Variants in NIPSNAP3B observed in about 807,000 individuals in gnomAD.
NIPSNAP3B encodes the protein protein NipSnap homolog 3B.
In NIPSNAP3B, 30 loss-of-function variants were observed where a neutral mutation model predicts 31.5. That is an observed-to-expected ratio of 0.95 (90% CI 0.71 to 1.29). The LOEUF is 1.29. NIPSNAP3B is among the 50% of genes most tolerant of loss of function. The probability of loss-of-function intolerance (pLI) is 0.00; values close to 1 mark genes in which losing one functional copy is unlikely to be tolerated. For missense variants in NIPSNAP3B, 269 were observed against 300.7 expected (o/e 0.89, Z 0.78); for synonymous variants, 106 against 107.9 (o/e 0.98, Z 0.11).
At chr9:104,766,284 G>A (rs1468870984) in intron 1 of NIPSNAP3B, 41 bp from the exon 2 acceptor site, 1 of 1,546,880 alleles carries the variant, frequency 6.5e-7, no homozygotes, top group Non-Finnish European at 8.9e-7. Context: ...ATCTGTAATT[G>A]TACCTTCCCA....
Position 104,764,313 on chromosome 9 carries a change from G to C in NIPSNAP3B, c.60+13G>C. 1 of 1,573,370 alleles carries C rather than the reference G, an allele frequency of 6.4e-7. No homozygotes were observed. The highest frequency in any genetic ancestry group is 1.2e-5 in the South Asian group (1 of 85,756). On this transcript the variant is annotated intron_variant, in intron 1 of 5. Coordinates refer to ENST00000374762, the MANE Select transcript of NIPSNAP3B (RefSeq NM_018376.4). ...GCTCGCGCCTCAGGTACTGGCCGCG[G>C]GGGCGCGCCCGAGCCCTGGCCGGAG... is the stretch of plus-strand genomic sequence containing the variant.
At chr9:104,784,654 T>TC in the NIPSNAP3B span, among the ~76,000 whole-genome samples, 1 of 152,096 alleles carries the variant, frequency 6.6e-6, no homozygotes, top group African/African-American at 2.4e-5. Flanking sequence ...AGACTTTTTT[T>TC]CCCCCCTTGA....
intron 3 of NIPSNAP3B, among the ~76,000 whole-genome samples, chr9:104,769,453 CAAA>C (rs34083177): frequency 2.3e-3 from 247 of 109,426 alleles, no homozygotes; most frequent in South Asian, 4.3e-3. Context: ...GACTCCGTCT[CAAA>C]AAAAAAAAAA....
chr9:104,789,602 C>T, the NIPSNAP3B span, among the ~76,000 whole-genome samples: 8 of 152,030 alleles, frequency 5.3e-5, no homozygotes, highest in Non-Finnish European at 1.0e-4. Context: ...TTTTTAATGA[C>T]GCAGTATAAG....
the NIPSNAP3B span, chr9:104,783,220 G>A: frequency 3.9e-5 from 6 of 152,164 alleles, no homozygotes; most frequent in Non-Finnish European, 7.3e-5. Context: ...TCTACAAAGA[G>A]GCCATTCTAA....
chr9:104,777,879 G>T (rs914997839), downstream of NIPSNAP3B, among the ~76,000 whole-genome samples: 32 of 152,264 alleles, frequency 2.1e-4, no homozygotes, highest in African/African-American at 6.7e-4. Context: ...AGTTAGGTCT[G>T]CATCCTTGTC....
Position 104,766,433 on chromosome 9 carries a change from A to C in NIPSNAP3B, c.169A>C (p.Lys57Gln). Residue 57 changes from lysine (K) to glutamine (Q), a missense_variant, in exon 2 of 6, where the codon AAG becomes CAG. By Grantham distance (53) the Lys-to-Gln change is moderately conservative. Transcript: ENST00000374762. The stretch of plus-strand genomic sequence containing the variant: ...TATGAATGCGTTCATGGAAAATCTT[A>C]AGAAAAACATTCATCTTCGGACCTC... ...SNMNAFMENLKKNIHLRTSYS... is the reference protein window; with the variant it reads ...SNMNAFMENLQKNIHLRTSYS... The C allele has an allele frequency of 1.2e-6, 2 of 1,613,902 alleles. No homozygotes were observed. Among genetic ancestry groups the C allele is most frequent in the African/African-American group, 1.3e-5 (1 of 75,052 alleles).
In NIPSNAP3B at chr9:104,776,469, G is replaced by T. The variant is rs1332024114; in HGVS notation, c.*3396G>T. 6.6e-6 allele frequency among the ~76,000 whole-genome samples: 1 copy of T among 152,082 alleles called. No homozygotes were observed. The highest frequency in any genetic ancestry group is 1.5e-5 in the Non-Finnish European group (1 of 68,012). On this transcript the variant is annotated 3_prime_UTR_variant, in exon 6 of 6. Transcript: ENST00000374762. Reference sequence around the variant, plus strand: ...TGGCCTTTGTGAGTTAGTTTTAGATGAGGTCATGTGGGTAATAGAATTAGT... The same window carrying T: ...TGGCCTTTGTGAGTTAGTTTTAGATTAGGTCATGTGGGTAATAGAATTAGT...
chr9:104,785,041 G>T, the NIPSNAP3B span, among the ~76,000 whole-genome samples: 3 of 152,160 alleles, frequency 2.0e-5, no homozygotes, highest in Non-Finnish European at 4.4e-5. Context: ...AGGGAAGAGG[G>T]AAGAAAATAT....
chr9:104,765,492 A>G (rs1319024828), intron 1 of NIPSNAP3B, among the ~76,000 whole-genome samples: 1 of 152,186 alleles, frequency 6.6e-6, no homozygotes, highest in Non-Finnish European at 1.5e-5. Flanking sequence ...CATTAAGCTC[A>G]CTCAGGCTCA....
chr9:104,790,708 AAAG>A, the NIPSNAP3B span, among the ~76,000 whole-genome samples: 3 of 152,244 alleles, frequency 2.0e-5, no homozygotes, highest in Non-Finnish European at 4.4e-5. Context: ...AAAGCTGTTA[AAAG>A]AAGAGAATGA....
intron 3 of NIPSNAP3B, among the ~76,000 whole-genome samples, chr9:104,770,384 A>G (rs1828189278): frequency 6.6e-6 from 1 of 152,156 alleles, no homozygotes; most frequent in South Asian, 2.1e-4. Context: ...ATAGAATCCT[A>G]CCGGAGAAAA....
rs1010767444 is a variant in NIPSNAP3B, at chr9:104,766,458, C to T, written c.194C>T (p.Ser65Phe). The T allele has an allele frequency of 6.2e-7, 1 of 1,613,720 alleles. No homozygotes were observed. Among genetic ancestry groups the T allele is most frequent in the Non-Finnish European group, 8.5e-7 (1 of 1,179,792 alleles). ...NLKKNIHLRT[S>F]YSELVGFWSV... ...AAGAAAAACATTCATCTTCGGACCTCTTACTCTGAATTGGTTGGATTCTGG... is the reference window on the plus strand; with the variant it reads ...AAGAAAAACATTCATCTTCGGACCTTTTACTCTGAATTGGTTGGATTCTGG... Residue 65 changes from serine to phenylalanine, a missense_variant, in exon 2 of 6, where the codon TCT becomes TTT. Coordinates refer to ENST00000374762, the MANE Select transcript of NIPSNAP3B (RefSeq NM_018376.4).
chr9:104,776,396 T>TC lies in NIPSNAP3B; in HGVS notation c.*3329dup, dbSNP rs60250572. ...ATCTGCTAGAGACTGAATGTTTTTG[T>TC]CCCCCCAAAATTCCTATGTTGAAGC... On this transcript the variant is annotated 3_prime_UTR_variant, in exon 6 of 6. Transcript: ENST00000374762. Among the ~76,000 whole-genome samples, 121,419 of 151,870 alleles carry TC rather than the reference T, an allele frequency of 0.8. 48,732 individuals carry two copies. Among genetic ancestry groups the TC allele is most frequent in the Admixed American group, 0.87 (13,236 of 15,264 alleles).
In NIPSNAP3B at chr9:104,764,159, C is replaced by A; in HGVS notation, c.-82C>A. The A allele has an allele frequency of 1.5e-6, 2 of 1,369,274 alleles. 1 individual carries two copies. Among genetic ancestry groups the A allele is most frequent in the Middle Eastern group, 5.0e-4 (2 of 4,020 alleles). 84.8% of individuals were successfully genotyped at this position (1,369,274 alleles called of 1,614,324 possible). A position where few individuals can be genotyped will look rare whatever the true frequency, so the allele number is the denominator to read the frequency against. ...CTGAGTTCGCCAGTGGTCCAGGAGC[C>A]GCTTTTTTCCACTCGGGAAGACTTC... On this transcript the variant is annotated 5_prime_UTR_variant, in exon 1 of 6. Coordinates refer to ENST00000374762, the MANE Select transcript of NIPSNAP3B (RefSeq NM_018376.4).
intron 4 of NIPSNAP3B, among the ~76,000 whole-genome samples, chr9:104,771,640 T>G (rs969502382): frequency 1.3e-5 from 2 of 152,198 alleles, no homozygotes; most frequent in African/African-American, 4.8e-5. Flanking sequence ...TAGGTTTTCA[T>G]GAAAAGATTC....
At chr9:104,784,119 C>T in the NIPSNAP3B span, 1 of 641,670 alleles carries the variant, frequency 1.6e-6, no homozygotes, top group Non-Finnish European at 2.7e-6. Flanking sequence ...AAGACATAGG[C>T]TACAAAGGCA....
downstream of NIPSNAP3B, among the ~76,000 whole-genome samples, chr9:104,777,875 G>T (rs1303426686): frequency 2.0e-5 from 3 of 152,090 alleles, no homozygotes; most frequent in Non-Finnish European, 4.4e-5. Flanking sequence ...TTCCAGTTAG[G>T]TCTGCATCCT....
At chr9:104,777,846 A>T (rs1352571714), downstream of NIPSNAP3B, among the ~76,000 whole-genome samples, 1 of 152,214 alleles carries the variant, frequency 6.6e-6, no homozygotes, top group Non-Finnish European at 1.5e-5. Context: ...CTTGCCTCTC[A>T]GTCTTCCCTG....
Sources: gnomAD v4.1 joint callset for allele counts (sites outside exome capture counted in the v4.1 genomes callset) on GRCh38, gnomAD v4.1.1 for gene constraint, MANE v1.5 for transcripts, NCBI Gene and HGNC (gene_info 2026-07-23, HGNC 2026-07-21) for gene names.